TEX2: variants seen among roughly 807,000 people sequenced by gnomAD.
TEX2 encodes the protein testis-expressed protein 2.
In TEX2, 53 loss-of-function variants were observed where a neutral mutation model predicts 106.9. The observed-to-expected ratio is 0.50, with a 90% CI of 0.40 to 0.62. TEX2 has a LOEUF of 0.62. TEX2 is among the 20% of genes least tolerant of loss of function. TEX2 has a pLI of 0.00. For synonymous variants in TEX2, 523 were observed against 534.8 expected, an observed-to-expected ratio of 0.98 and a Z score of 0.30; for missense variants, 1,207 against 1,379.0, an observed-to-expected ratio of 0.88 and a Z score of 1.98.
intron 1 of TEX2, among the ~76,000 whole-genome samples, chr17:64,219,021 C>T (rs1050447450): frequency 1.3e-5 from 2 of 152,068 alleles, no homozygotes. Flanking sequence ...CCCGAAGCCT[C>T]AAGTTATTCC....
intron 6 of TEX2, among the ~76,000 whole-genome samples, chr17:64,172,072 T>G (rs1453658926): frequency 6.6e-6 from 1 of 151,308 alleles, no homozygotes; most frequent in Non-Finnish European, 1.5e-5. Flanking sequence ...CAGCACATGC[T>G]GGCCAGGCGC....
At chr17:64,220,789 G>A (rs1206077869) in intron 1 of TEX2, among the ~76,000 whole-genome samples, 1 of 152,188 alleles carries the variant, frequency 6.6e-6, no homozygotes, top group Non-Finnish European at 1.5e-5. Context: ...GGAAGACAGT[G>A]TGGCAATTCC....
chr17:64,188,421 G>A lies in TEX2; in HGVS notation c.2177-6C>T, dbSNP rs757090746. 1.2e-6 allele frequency: 2 copies of A among 1,614,158 alleles called. No individual in the cohort carries two copies. Among genetic ancestry groups the A allele is most frequent in the Admixed American group, 1.7e-5 (1 of 60,026 alleles). On this transcript the variant is annotated splice_polypyrimidine_tract_variant and splice_region_variant and intron_variant, in intron 4 of 11. Transcript: ENST00000584379. ...GCTGTGTGCAGGCAAAAGCCCTGGA[G>A]CCAAGAAGACGGGGGCTATTCACAC...
chr17:64,160,914 T>C lies in TEX2; in HGVS notation c.2691A>G (p.Glu897=), dbSNP rs752954134. ...TCAGAAAGGACCCATTGTAGGACAT[T>C]TCCAAATCAATCCAGAGTCCTGGAG... The part of the protein sequence containing the change: ...VDHQGLWIDL[E]MSYNGSFLMT... Residue 897 remains glutamate, a synonymous_variant, in exon 8 of 12, where the codon GAA becomes GAG. Coordinates refer to ENST00000584379, the MANE Select transcript of TEX2 (RefSeq NM_001288732.2). The C allele has an allele frequency of 6.2e-7, 1 of 1,614,104 alleles. No individual in the cohort carries two copies. The highest frequency in any genetic ancestry group is 8.5e-7 in the Non-Finnish European group (1 of 1,180,008).
intron 1 of TEX2, among the ~76,000 whole-genome samples, chr17:64,228,417 G>A (rs369697440): frequency 4.6e-5 from 7 of 152,158 alleles, no homozygotes; most frequent in Non-Finnish European, 1.0e-4. Flanking sequence ...GAAGCCCTGA[G>A]CTTGTTTTCC....
chr17:64,158,668 G>A (rs936597981), intron 8 of TEX2, among the ~76,000 whole-genome samples: 8 of 152,176 alleles, frequency 5.3e-5, no homozygotes, highest in Admixed American at 5.2e-4. Flanking sequence ...TCTTAACCAC[G>A]GATGGGCTTT....
intron 1 of TEX2, among the ~76,000 whole-genome samples, chr17:64,246,882 G>A (rs1168815906): frequency 2.0e-5 from 3 of 152,192 alleles, no homozygotes; most frequent in South Asian, 2.1e-4. Flanking sequence ...CTGTGTCTAC[G>A]TGAGGGACCC....
chr17:64,209,299 T>A (rs1411347790), intron 2 of TEX2, among the ~76,000 whole-genome samples: 5 of 152,368 alleles, frequency 3.3e-5, no homozygotes, highest in Middle Eastern at 3.4e-3. Context: ...AATTAGCTTG[T>A]AACAGACAGC....
intron 5 of TEX2, among the ~76,000 whole-genome samples, chr17:64,178,535 T>C (rs1028075023): frequency 6.6e-6 from 1 of 152,150 alleles, no homozygotes; most frequent in Non-Finnish European, 1.5e-5. Flanking sequence ...TCCCATCCTC[T>C]ATCTGCTCTG....
Position 64,194,956 on chromosome 17 carries a change from T to C in TEX2, c.1784A>G (p.Asn595Ser), listed in dbSNP as rs776819423. 25 of 1,614,072 alleles carry C rather than the reference T, an allele frequency of 1.5e-5. No homozygotes were observed. Among genetic ancestry groups the C allele is most frequent in the South Asian group, 4.4e-5 (4 of 91,090 alleles). ...NKNISRRASY[N>S]EPKPEVTYIS... ...GTAGGTGACCTCTGGCTTGGGTTCATTGTAGCTGGCCCTCCTGGATATATT... is the reference window on the plus strand; with the variant it reads ...GTAGGTGACCTCTGGCTTGGGTTCACTGTAGCTGGCCCTCCTGGATATATT... Residue 595 changes from asparagine to serine, a missense_variant, in exon 3 of 12, where the codon AAT (asparagine) becomes AGT (serine). Physicochemically the swap from Asn to Ser is conservative, Grantham distance 46. Coordinates refer to ENST00000584379, the MANE Select transcript of TEX2 (RefSeq NM_001288732.2).
intron 1 of TEX2, among the ~76,000 whole-genome samples, chr17:64,220,127 T>C (rs1555633119): frequency 6.6e-6 from 1 of 152,222 alleles, no homozygotes; most frequent in Non-Finnish European, 1.5e-5. Context: ...AAATCATTTA[T>C]CTGATAAGGG....
At chr17:64,193,929 T>C in intron 3 of TEX2, 40 bp from the exon 4 acceptor site, 1 of 1,428,894 alleles carries the variant, frequency 7.0e-7, no homozygotes, top group Non-Finnish European at 9.4e-7. Flanking sequence ...TATTAAAGAT[T>C]GGCTACACTA....
At chr17:64,179,104 C>T (rs570834629) in intron 5 of TEX2, among the ~76,000 whole-genome samples, 3 of 152,320 alleles carry the variant, frequency 2.0e-5, no homozygotes, top group Non-Finnish European at 4.4e-5. Context: ...AGCTAGACTT[C>T]CTGGGTGGAG....
At chr17:64,181,520 T>C (rs998728504) in intron 5 of TEX2, among the ~76,000 whole-genome samples, 1 of 146,552 alleles carries the variant, frequency 6.8e-6, no homozygotes, top group Non-Finnish European at 1.5e-5. Flanking sequence ...TCTGGCTACA[T>C]GGTTTTGTAT....
At chr17:64,166,757 A>G (rs1356813085) in intron 7 of TEX2, among the ~76,000 whole-genome samples, 1 of 152,172 alleles carries the variant, frequency 6.6e-6, no homozygotes, top group Non-Finnish European at 1.5e-5. Flanking sequence ...TTTTCCCACA[A>G]TGAGTATTTG....
intron 1 of TEX2, among the ~76,000 whole-genome samples, chr17:64,250,264 G>A (rs954818011): frequency 1.3e-5 from 2 of 152,218 alleles, no homozygotes; most frequent in African/African-American, 4.8e-5. Context: ...GGTTAAGTGG[G>A]AGCATTTCCA....
At chr17:64,234,057 G>T (rs528563792) in intron 1 of TEX2, among the ~76,000 whole-genome samples, 1 of 152,292 alleles carries the variant, frequency 6.6e-6, no homozygotes, top group Admixed American at 6.5e-5. Context: ...AAGCAGAGCA[G>T]AAGGCAGAAA....
intron 5 of TEX2, among the ~76,000 whole-genome samples, chr17:64,179,811 C>G (rs767815458): frequency 5.9e-5 from 9 of 152,030 alleles, no homozygotes; most frequent in Non-Finnish European, 1.0e-4. Flanking sequence ...GCTGGTCAGC[C>G]CATTTCAGAA....
At chr17:64,227,521 A>G (rs553655100) in intron 1 of TEX2, among the ~76,000 whole-genome samples, 2 of 152,356 alleles carry the variant, frequency 1.3e-5, no homozygotes, top group African/African-American at 4.8e-5. Flanking sequence ...CAATCTTTTA[A>G]AAATTATTAT....
Sources: gnomAD v4.1 joint callset for allele counts (sites outside exome capture counted in the v4.1 genomes callset) on GRCh38, gnomAD v4.1.1 for gene constraint, MANE v1.5 for transcripts, NCBI Gene and HGNC (gene_info 2026-07-23, HGNC 2026-07-21) for gene names.